Variants in ALDH3B1 observed in about 807,000 individuals in gnomAD.
ALDH3B1 encodes aldehyde dehydrogenase 3 family member B1, also known as aldehyde dehydrogenase family 3 member B1.
A neutral mutation model predicts 46.2 loss-of-function variants in ALDH3B1; 37 were observed. That is an observed-to-expected ratio of 0.80 (90% CI 0.62 to 1.05). The LOEUF (loss-of-function observed/expected upper bound fraction) is 1.05. Ranked by LOEUF, ALDH3B1 falls within the 50% of genes least tolerant of loss-of-function variation. The pLI, the probability that ALDH3B1 is intolerant of heterozygous loss-of-function variation, is 0.00. For synonymous variants in ALDH3B1, 283 were observed against 281.0 expected (o/e 1.01, Z -0.07); for missense variants, 603 against 665.5 (o/e 0.91, Z 1.03).
chr11:68,021,540 T>G lies in ALDH3B1; in HGVS notation c.618T>G (p.Pro206=). 6.2e-7 allele frequency: 1 copy of G among 1,614,046 alleles called. No individual in the cohort carries two copies. The highest frequency in any genetic ancestry group is 2.2e-5 in the East Asian group (1 of 44,882). ...VMTAAAKHLT[P]VTLELGGKNP... Reference sequence around the variant, plus strand: ...CTGCTGCCGCCAAGCACCTGACACCTGTCACCCTGGAGCTGGGGGGCAAGA... The same window carrying G: ...CTGCTGCCGCCAAGCACCTGACACCGGTCACCCTGGAGCTGGGGGGCAAGA... Residue 206 remains proline (P), a synonymous_variant, in exon 7 of 10, where the codon CCT becomes CCG. Coordinates refer to ENST00000342456, the MANE Select transcript of ALDH3B1 (RefSeq NM_000694.4).
At chr11:68,013,957 C>G (rs897201852) in intron 1 of ALDH3B1, among the ~76,000 whole-genome samples, 29 of 152,244 alleles carry the variant, frequency 1.9e-4, no homozygotes, top group Admixed American at 1.9e-3. Context: ...TGACCAGGCT[C>G]TCAGTAGCAC....
In ALDH3B1 at chr11:68,026,083, G is replaced by A; in HGVS notation, c.1191G>A (p.Leu397=). 1 of 1,606,524 alleles carries A rather than the reference G, an allele frequency of 6.2e-7. No homozygotes were observed. Residue 397 remains leucine (L), a synonymous_variant, in exon 9 of 10, where the codon CTG becomes CTA. Coordinates refer to ENST00000342456, the MANE Select transcript of ALDH3B1 (RefSeq NM_000694.4). ...CGNDGFMHMT[L]ASLPFGGVGA... ...ACGACGGCTTCATGCACATGACCCT[G>A]GCCAGCCTGCCTTTTGGAGGAGTGG...
rs1565137551 is a variant in ALDH3B1 at position 68,021,516 on chromosome 11, TGCTGCC to T, written c.597_602del (p.Ala200_Ala201del). 1 of 1,613,686 alleles carries T rather than the reference TGCTGCC, an allele frequency of 6.2e-7. No homozygotes were observed. Among genetic ancestry groups the T allele is most frequent in the East Asian group, 2.2e-5 (1 of 44,886 alleles). On this transcript the variant is annotated inframe_deletion, in exon 7 of 10. Coordinates refer to ENST00000342456, the MANE Select transcript of ALDH3B1 (RefSeq NM_000694.4). Reference sequence around the variant, plus strand: ...CTCGTGTGGGCAAGATTGTTATGACTGCTGCCGCCAAGCACCTGACACCTGTCACCC... The same window carrying T: ...CTCGTGTGGGCAAGATTGTTATGACTGCCAAGCACCTGACACCTGTCACCC...
chr11:68,027,832 G>A lies in ALDH3B1; in HGVS notation c.1300G>A (p.Gly434Arg). Residue 434 changes from glycine to arginine, a missense_variant, in exon 10 of 10, where the codon GGG (glycine) becomes AGG (arginine). By Grantham distance (125) the Gly-to-Arg change is moderately radical (BLOSUM62 -2). Transcript: ENST00000342456. ...HHRACLLRSP[G>R]MEKLNALRYP... is the part of the protein sequence containing the mutation. ...TCGCGCCTGCCTCCTGCGCAGCCCG[G>A]GGATGGAGAAGCTCAACGCCCTCCG... 1 of 1,555,538 alleles carries A rather than the reference G, an allele frequency of 6.4e-7. No homozygotes were observed. Among genetic ancestry groups the A allele is most frequent in the African/African-American group, 1.4e-5 (1 of 73,582 alleles).
Position 68,015,302 on chromosome 11 carries a change from A to G in ALDH3B1, c.5A>G (p.Asp2Gly), listed in dbSNP as rs1857322318. The stretch of plus-strand genomic sequence containing the variant: ...CATGCCACCCCATCTGGCAGGATGG[A>G]CCCCCTTGGGGACACGCTGCGGCGA... The part of the protein sequence containing the change: M[D>G]PLGDTLRRLR... Residue 2 changes from aspartate to glycine, a missense_variant, in exon 2 of 10, where the codon GAC becomes GGC. Asp to Gly is a moderately conservative substitution (Grantham distance 94). Transcript: ENST00000342456. The G allele has an allele frequency of 1.4e-6, 2 of 1,478,572 alleles. No homozygotes were observed. Among genetic ancestry groups the G allele is most frequent in the African/African-American group, 1.4e-5 (1 of 71,168 alleles). 91.6% of individuals were successfully genotyped at this position (1,478,572 alleles called of 1,614,324 possible). A position where few individuals can be genotyped will look rare whatever the true frequency, so the allele number is the denominator to read the frequency against.
At chr11:68,025,273 T>G in intron 8 of ALDH3B1, 1 of 152,236 alleles carries the variant, frequency 6.6e-6, no homozygotes, top group East Asian at 1.9e-4. Flanking sequence ...TGCCATGAAG[T>G]GACGTCTGAA....
chr11:68,026,023 G>A lies in ALDH3B1; in HGVS notation c.1131G>A (p.Val377=), dbSNP rs753334150. The A allele has an allele frequency of 6.2e-7, 1 of 1,605,578 alleles. No individual in the cohort carries two copies. Among genetic ancestry groups the A allele is most frequent in the Non-Finnish European group, 8.5e-7 (1 of 1,176,078 alleles). The part of the protein sequence containing the change: ...FSNSSQVVKR[V]LTQTSSGGFC... ...TTCTCTCCCAGGTGGTCAAGCGGGT[G>A]CTGACCCAGACCAGCAGCGGGGGCT... The change falls in exon 9 of 10, where the codon GTG becomes GTA. Residue 377 remains valine (V), a synonymous_variant. Coordinates refer to ENST00000342456, the MANE Select transcript of ALDH3B1 (RefSeq NM_000694.4).
Position 68,019,207 on chromosome 11 carries a change from G to A in ALDH3B1, c.432G>A (p.Lys144=), listed in dbSNP as rs1296053294. 3 of 1,613,566 alleles carry A rather than the reference G, an allele frequency of 1.9e-6. No individual in the cohort carries two copies. The highest frequency in any genetic ancestry group is 8.5e-7 in the Non-Finnish European group (1 of 1,179,774). ...TGCTGAAGCCATCGGAGATTAGCAA[G>A]AACGTCGAGAAGATCCTGGCCGAGG... The part of the protein sequence containing the change: ...CVVLKPSEIS[K]NVEKILAEVL... The change falls in exon 5 of 10, where the codon AAG becomes AAA. Residue 144 remains lysine (K), a synonymous_variant. Transcript: ENST00000342456.
rs1010268134 is a variant in ALDH3B1, at chr11:68,028,756, T to G, written c.*817T>G. The G allele has an allele frequency of 6.6e-6, 1 of 151,756 alleles. No homozygotes were observed. Among genetic ancestry groups the G allele is most frequent in the Non-Finnish European group, 1.5e-5 (1 of 68,078 alleles). The allele number at this position is 151,756 out of a possible 1,614,324, so 9.4% of individuals were successfully genotyped here. On this transcript the variant is annotated 3_prime_UTR_variant, in exon 10 of 10. Coordinates refer to ENST00000342456, the MANE Select transcript of ALDH3B1 (RefSeq NM_000694.4). ...TTGAGGGATTGAGGGATTGCTGAGCTGGAGCTCCAGGTGTCCTATCTTTCT... is the reference window on the plus strand; with the variant it reads ...TTGAGGGATTGAGGGATTGCTGAGCGGGAGCTCCAGGTGTCCTATCTTTCT...
chr11:68,026,389 A>G (rs1410152818), intron 9 of ALDH3B1, among the ~76,000 whole-genome samples: 2 of 152,138 alleles, frequency 1.3e-5, no homozygotes, highest in African/African-American at 4.8e-5. Context: ...ATACCACACA[A>G]CTATGATCAC....
In ALDH3B1 at chr11:68,021,858, C is replaced by T. The variant is rs374572734; in HGVS notation, c.936C>T (p.Ser312=). Residue 312 remains serine (S), a synonymous_variant, in exon 7 of 10, where the codon AGC becomes AGT. Coordinates refer to ENST00000342456, the MANE Select transcript of ALDH3B1 (RefSeq NM_000694.4). ...RVAIGGQSDE[S]DRYIAPTVLV... ...CCATTGGGGGCCAGAGCGATGAGAG[C>T]GATCGCTACATCGGTGAGTCCTGCT... 26 of 1,606,830 alleles carry T rather than the reference C, an allele frequency of 1.6e-5. No individual in the cohort carries two copies. In the South Asian group the frequency reaches 1.7e-4, roughly 10 times the overall value.
At position 68,022,602 on chromosome 11, in the gene ALDH3B1, G is replaced by A. The variant is rs778359310; in HGVS notation, c.957G>A (p.Thr319=). 64 of 1,613,486 alleles carry A rather than the reference G, an allele frequency of 4.0e-5. No homozygotes were observed. The highest frequency in any genetic ancestry group is 4.0e-5 in the African/African-American group (3 of 74,898). ...TGTCTCTGGTGCCTGCAGCCCCCAC[G>A]GTGCTGGTGGATGTGCAGGAGATGG... ...SDESDRYIAP[T]VLVDVQEMEP... Residue 319 remains threonine (T), a synonymous_variant, in exon 8 of 10, where the codon ACG becomes ACA. Transcript: ENST00000342456.
At chr11:68,008,963 G>C (rs1857178647), upstream of ALDH3B1, among the ~76,000 whole-genome samples, 2 of 152,218 alleles carry the variant, frequency 1.3e-5, no homozygotes, top group African/African-American at 4.8e-5. Flanking sequence ...GGCAGGCAGG[G>C]ACAGGCTTAG....
chr11:68,012,685 C>G (rs1330453271), intron 1 of ALDH3B1, among the ~76,000 whole-genome samples: 1 of 152,226 alleles, frequency 6.6e-6, no homozygotes, highest in East Asian at 1.9e-4. Flanking sequence ...CCGGTCACCC[C>G]TCCCACAGCT....
In ALDH3B1 at chr11:68,013,086, C is replaced by T. The variant is rs148945304; in HGVS notation, c.-1-2211C>T. Among the ~76,000 whole-genome samples the T allele has an allele frequency of 6.1e-3, 922 of 152,230 alleles. 11 individuals carry two copies. Among genetic ancestry groups the T allele is most frequent in the African/African-American group, 0.021 (879 of 41,534 alleles). On this transcript the variant is annotated intron_variant, in intron 1 of 9. Transcript: ENST00000342456. ...TCAGGAGTTCCCTATTCTGTGTGTC[C>T]ACAATGGCTGCCCAGCACCCTCGGG...
At chr11:68,022,866 T>A (rs1444552587) in intron 8 of ALDH3B1, 105 bp downstream of exon 8, 11 of 1,499,102 alleles carry the variant, frequency 7.3e-6, no homozygotes, top group Non-Finnish European at 9.9e-6. Context: ...GACTTTGGGA[T>A]GGTGGACCTC....
At chr11:68,019,278 T>TAG (rs1235463721) in intron 5 of ALDH3B1, 23 bp downstream of exon 5, 2 of 1,605,380 alleles carry the variant, frequency 1.2e-6, no homozygotes, top group African/African-American at 2.7e-5. Flanking sequence ...GCCGGGCAGG[T>TAG]AGAGCGGGAA....
chr11:68,027,555 C>T (rs750231547), intron 9 of ALDH3B1, among the ~76,000 whole-genome samples, 194 bp from the exon 10 acceptor site: 6 of 152,236 alleles, frequency 3.9e-5, no homozygotes, highest in South Asian at 2.1e-4. Flanking sequence ...GCCCTGGCAT[C>T]TGGCATCCCC....
At chr11:68,010,131 G>T (rs115489728), upstream of ALDH3B1, among the ~76,000 whole-genome samples, 595 of 152,260 alleles carry the variant, frequency 3.9e-3, 3 homozygotes, top group African/African-American at 0.013. Context: ...CAGCCCTGCT[G>T]TGTGGCTCTA....
Sources: allele counts gnomAD v4.1 joint callset (sites outside exome capture counted in the v4.1 genomes callset), GRCh38; gene constraint gnomAD v4.1.1; transcripts MANE v1.5; gene names NCBI Gene and HGNC (gene_info 2026-07-23, HGNC 2026-07-21).